The following COL25A1 variants were observed in gnomAD, a reference collection of about 807,000 sequenced individuals.
The protein encoded by COL25A1 is collagen alpha-1(XXV) chain.
A neutral mutation model predicts 128.4 loss-of-function variants in COL25A1; 103 were observed. The ratio of observed to expected loss-of-function variants is 0.80; its 90% CI spans 0.68 to 0.94. COL25A1 has a LOEUF of 0.94. Among genes scored for constraint, COL25A1 ranks in the 40% least tolerant of loss-of-function variants. The pLI is 0.00. For synonymous variants in COL25A1, 279 were observed against 277.2 expected, an observed-to-expected ratio of 1.01 and a Z score of -0.06; for missense variants, 745 against 840.0, an observed-to-expected ratio of 0.89 and a Z score of 1.40.
chr4:109,103,016 G>T (rs531169266), intron 3 of COL25A1, among the ~76,000 whole-genome samples: 1 of 151,940 alleles, frequency 6.6e-6, no homozygotes, highest in Non-Finnish European at 1.5e-5. Flanking sequence ...TATAGATATC[G>T]CACTAGTTTG....
chr4:109,150,002 G>A (rs1771331369), intron 3 of COL25A1, among the ~76,000 whole-genome samples: 1 of 149,914 alleles, frequency 6.7e-6, no homozygotes, highest in Admixed American at 6.6e-5. Flanking sequence ...ATGTGTGGGT[G>A]TGTGTGTGTG....
intron 5 of COL25A1, among the ~76,000 whole-genome samples, chr4:109,044,236 A>G (rs1204514890): frequency 1.3e-5 from 2 of 152,146 alleles, no homozygotes; most frequent in South Asian, 2.1e-4. Context: ...AGTTTAAATT[A>G]TAAATGATCT....
intron 5 of COL25A1, among the ~76,000 whole-genome samples, chr4:109,016,360 T>A (rs2126056422): frequency 1.3e-5 from 2 of 152,350 alleles, no homozygotes; most frequent in South Asian, 4.1e-4. Flanking sequence ...AGTGCAGGCC[T>A]GCAGGTGCCT....
intron 5 of COL25A1, among the ~76,000 whole-genome samples, chr4:109,012,788 C>A (rs564796411): frequency 2.0e-5 from 3 of 152,324 alleles, no homozygotes; most frequent in Admixed American, 2.0e-4. Context: ...GCCCCAGCCT[C>A]CCTGACGGGT....
At chr4:109,116,753 T>G (rs1158105774) in intron 3 of COL25A1, among the ~76,000 whole-genome samples, 1 of 151,820 alleles carries the variant, frequency 6.6e-6, no homozygotes, top group Non-Finnish European at 1.5e-5. Flanking sequence ...GCTTTAAAGG[T>G]AAAAGTATAT....
rs143643510 is a variant in COL25A1 at position 108,939,627 on chromosome 4, A to G, written c.672+912T>C. 1.6e-4 allele frequency among the ~76,000 whole-genome samples: 25 copies of G among 152,274 alleles called. No homozygotes were observed. The East Asian group carries it at 4.6e-3, about 28-fold the overall frequency. On this transcript the variant is annotated intron_variant, in intron 10 of 37. Transcript: ENST00000399132. ...TTTTTTCTTTTTGGTTTTATTTTCA[A>G]AAGTTTCTGCTTCGTGGATAAATAT...
At chr4:108,846,409 T>C (rs1735110280) in intron 27 of COL25A1, among the ~76,000 whole-genome samples, 190 bp from the exon 28 acceptor site, 1 of 152,190 alleles carries the variant, frequency 6.6e-6, no homozygotes, top group Non-Finnish European at 1.5e-5. Context: ...TATTTCTCCT[T>C]GTAATGAAAT....
intron 3 of COL25A1, among the ~76,000 whole-genome samples, chr4:109,220,118 T>C (rs531471237): frequency 1.6e-4 from 25 of 152,310 alleles, no homozygotes; most frequent in African/African-American, 5.5e-4. Flanking sequence ...CAATTGAGTC[T>C]TTGTATATTC....
chr4:108,948,286 T>C (rs1749011193), intron 8 of COL25A1, among the ~76,000 whole-genome samples: 1 of 152,142 alleles, frequency 6.6e-6, no homozygotes, highest in Non-Finnish European at 1.5e-5. Flanking sequence ...AAATCAACTA[T>C]ATAAAGCTAA....
chr4:109,294,594 C>T (rs928703267), intron 3 of COL25A1, among the ~76,000 whole-genome samples: 1 of 152,008 alleles, frequency 6.6e-6, no homozygotes, highest in African/African-American at 2.4e-5. Flanking sequence ...TATTGGCAAA[C>T]CAGGGAGGCT....
At chr4:108,866,573 C>T (rs921566) in intron 20 of COL25A1, among the ~76,000 whole-genome samples, 3 of 152,124 alleles carry the variant, frequency 2.0e-5, no homozygotes, top group Non-Finnish European at 2.9e-5. Context: ...TGTTTTGATG[C>T]CATTGTACAT....
intron 3 of COL25A1, among the ~76,000 whole-genome samples, chr4:109,074,063 G>C (rs1763199774): frequency 6.6e-6 from 1 of 152,132 alleles, no homozygotes; most frequent in Non-Finnish European, 1.5e-5. Context: ...GGATCAAACT[G>C]TTCCACCTCA....
intron 31 of COL25A1, chr4:108,834,507 C>T: frequency 5.6e-6 from 5 of 891,384 alleles, no homozygotes; most frequent in Non-Finnish European, 9.0e-6. Context: ...TACGCAGTTA[C>T]AGGGTTCTGG....
intron 6 of COL25A1, among the ~76,000 whole-genome samples, chr4:108,991,331 A>G (rs1209913062): frequency 1.3e-5 from 2 of 152,218 alleles, no homozygotes; most frequent in African/African-American, 4.8e-5. Context: ...TACACCATTT[A>G]AATACACAAA....
At chr4:108,898,985 A>C (rs201969217) in intron 15 of COL25A1, among the ~76,000 whole-genome samples, 169 bp downstream of exon 15, 114 of 146,320 alleles carry the variant, frequency 7.8e-4, no homozygotes, top group African/African-American at 2.9e-3. Flanking sequence ...ATCTATATCT[A>C]TATATCTATA....
intron 24 of COL25A1, among the ~76,000 whole-genome samples, chr4:108,858,138 C>T (rs544418768): frequency 3.4e-4 from 52 of 152,130 alleles, no homozygotes; most frequent in Middle Eastern, 3.4e-3. Flanking sequence ...ACAGGAAGGG[C>T]ATGACTATAG....
chr4:108,909,180 G>A (rs887200341), intron 13 of COL25A1, among the ~76,000 whole-genome samples: 1 of 152,076 alleles, frequency 6.6e-6, no homozygotes, highest in Non-Finnish European at 1.5e-5. Flanking sequence ...TTCAACCTAC[G>A]CCCAGGAATG....
chr4:108,972,898 A>G (rs1410534660), intron 8 of COL25A1, among the ~76,000 whole-genome samples: 3 of 152,178 alleles, frequency 2.0e-5, no homozygotes, highest in Admixed American at 6.5e-5. Context: ...TTTCATCCTG[A>G]AAATTTGGCC....
At chr4:108,845,138 AGT>A (rs1197391420) in intron 29 of COL25A1, 49 bp downstream of exon 29, 3 of 1,434,944 alleles carry the variant, frequency 2.1e-6, no homozygotes, top group African/African-American at 1.4e-5. Flanking sequence ...GTAACATGTC[AGT>A]GTGTGAGGAG....
Sources: gnomAD v4.1 joint callset for allele counts (sites outside exome capture counted in the v4.1 genomes callset) on GRCh38, gnomAD v4.1.1 for gene constraint, MANE v1.5 for transcripts, NCBI Gene and HGNC (gene_info 2026-07-23, HGNC 2026-07-21) for gene names.